PRMT8: variants seen among roughly 807,000 people sequenced by gnomAD.
PRMT8 encodes protein arginine N-methyltransferase 8.
A neutral mutation model predicts 47.1 loss-of-function variants in PRMT8; 7 were observed. The ratio of observed to expected loss-of-function variants is 0.15; its 90% CI spans 0.08 to 0.28. The LOEUF (loss-of-function observed/expected upper bound fraction) is 0.28. Ranked by LOEUF, PRMT8 falls within the 10% of genes least tolerant of loss-of-function variation. The pLI is 1.00. For missense variants in PRMT8, 237 were observed against 505.4 expected (o/e 0.47, Z 5.09); for synonymous variants, 188 against 186.5 (o/e 1.01, Z -0.07).
chr12:3,426,029 G>A (rs887968533), intron 1 of PRMT8, among the ~76,000 whole-genome samples: 21 of 152,258 alleles, frequency 1.4e-4, no homozygotes, highest in Non-Finnish European at 2.6e-4. Context: ...GGCCCTCGGG[G>A]GCTGACCCGC....
chr12:3,454,656 T>A (rs141681250), intron 1 of PRMT8, among the ~76,000 whole-genome samples: 139 of 152,086 alleles, frequency 9.1e-4, no homozygotes, highest in South Asian at 1.7e-3. Context: ...CCCTATAAAC[T>A]TCATAAAATG....
At chr12:3,484,240 C>T (rs572597719) in intron 1 of PRMT8, among the ~76,000 whole-genome samples, 2 of 152,286 alleles carry the variant, frequency 1.3e-5, no homozygotes, top group African/African-American at 4.8e-5. Flanking sequence ...CCAGTCTTTG[C>T]TGTCATTTGG....
At chr12:3,424,241 C>A (rs1351080054) in intron 1 of PRMT8, among the ~76,000 whole-genome samples, 1 of 152,146 alleles carries the variant, frequency 6.6e-6, no homozygotes, top group East Asian at 1.9e-4. Context: ...TCACACGCTC[C>A]CCTTTTTTCC....
rs995741365 is a variant in PRMT8 at position 3,535,017 on chromosome 12, G to C, written c.76-5589G>C. Among the ~76,000 whole-genome samples the C allele has an allele frequency of 2.0e-5, 3 of 152,266 alleles. No homozygotes were observed. Among genetic ancestry groups the C allele is most frequent in the African/African-American group, 7.2e-5 (3 of 41,474 alleles). The stretch of plus-strand genomic sequence containing the variant: ...TGCTTGGCGCAGCGCCTGGGGCGCA[G>C]TGGGCCCTTAGTCAATGTTAGGTCT... On this transcript the variant is annotated intron_variant, in intron 1 of 9. Transcript: ENST00000382622. The surrounding 1 kb of genome is among the most constrained non-coding windows in gnomAD (Gnocchi z 4.7).
intron 1 of PRMT8, among the ~76,000 whole-genome samples, chr12:3,478,315 C>CCTAA (rs1865238746): frequency 7.2e-6 from 1 of 139,792 alleles, no homozygotes; most frequent in South Asian, 2.3e-4. Flanking sequence ...TATCTACCTA[C>CCTAA]CTATCTATCT....
At chr12:3,455,088 TG>T (rs1287977882) in intron 1 of PRMT8, among the ~76,000 whole-genome samples, 7 of 152,098 alleles carry the variant, frequency 4.6e-5, no homozygotes, top group Non-Finnish European at 7.4e-5. Flanking sequence ...CTGGGGGAGA[TG>T]GAGTTTGGGG....
At chr12:3,528,298 A>G (rs1194550890) in intron 1 of PRMT8, among the ~76,000 whole-genome samples, 1 of 151,812 alleles carries the variant, frequency 6.6e-6, no homozygotes, top group African/African-American at 2.4e-5. Context: ...ATATTAGGCT[A>G]TGTGAAGTTG....
intron 3 of PRMT8, chr12:3,551,101 G>A (rs1429667724): frequency 1.1e-5 from 1 of 92,122 alleles, no homozygotes; most frequent in African/African-American, 3.8e-5. Context: ...CTGACTCCCA[G>A]GTTGACTAGA....
intron 8 of PRMT8, among the ~76,000 whole-genome samples, chr12:3,590,539 A>G (rs751727337): frequency 2.0e-5 from 3 of 152,066 alleles, no homozygotes; most frequent in Non-Finnish European, 4.4e-5. Flanking sequence ...AGCCATGATA[A>G]GGCCACATGT....
intron 1 of PRMT8, among the ~76,000 whole-genome samples, chr12:3,507,118 C>CT (rs72188443): frequency 0.028 from 3,403 of 122,542 alleles, 129 homozygotes; most frequent in East Asian, 0.073. Flanking sequence ...GGTGGCCTTT[C>CT]TTTTTTTTTT....
At chr12:3,426,038 G>T (rs780751003) in intron 1 of PRMT8, among the ~76,000 whole-genome samples, 1 of 152,216 alleles carries the variant, frequency 6.6e-6, no homozygotes, top group Non-Finnish European at 1.5e-5. Flanking sequence ...GGGCTGACCC[G>T]CAGGGTGCAG....
intron 1 of PRMT8, among the ~76,000 whole-genome samples, chr12:3,518,604 T>G (rs1865831866): frequency 1.3e-5 from 2 of 152,146 alleles, no homozygotes; most frequent in Non-Finnish European, 2.9e-5. Flanking sequence ...CAAGGACTCC[T>G]GCCAGCTGAG....
chr12:3,468,167 G>A (rs1457993157), intron 1 of PRMT8, among the ~76,000 whole-genome samples: 1 of 152,180 alleles, frequency 6.6e-6, no homozygotes, highest in East Asian at 1.9e-4. Context: ...AGTCTCAGGA[G>A]GGCTTAGGAA....
At chr12:3,534,755 C>T (rs868335288) in intron 1 of PRMT8, among the ~76,000 whole-genome samples, 1 of 152,220 alleles carries the variant, frequency 6.6e-6, no homozygotes, top group African/African-American at 2.4e-5. Context: ...TTTCTGAGCA[C>T]AGGGCCTGGC....
rs777494213 is a variant in PRMT8 at position 3,583,198 on chromosome 12, G to T, written c.969G>T (p.Gly323=). The T allele has an allele frequency of 1.2e-6, 2 of 1,611,746 alleles. No homozygotes were observed. Among genetic ancestry groups the T allele is most frequent in the Non-Finnish European group, 1.7e-6 (2 of 1,178,928 alleles). ...TTACCAAGTGCCACAAGAAAATGGG[G>T]TTTTCCACAGGTGAGCTGTTTGTTG... ...IEFTKCHKKM[G]FSTAPDAPYT... Residue 323 remains glycine (G), a synonymous_variant, in exon 8 of 10, where the codon GGG becomes GGT. Coordinates refer to ENST00000382622, the MANE Select transcript of PRMT8 (RefSeq NM_019854.5). This position sits in a 1 kb window ranked among gnomAD's most constrained non-coding sequence, Gnocchi z 4.7.
chr12:3,398,553 G>T lies in PRMT8; in HGVS notation c.48+17111G>T, dbSNP rs552936099. Among the ~76,000 whole-genome samples, 85 of 152,330 alleles carry T rather than the reference G, an allele frequency of 5.6e-4. No individual in the cohort carries two copies. The East Asian group carries it at 0.016, about 28-fold the overall frequency. On this transcript the variant is annotated intron_variant, in intron 1 of 9. Coordinates refer to the PRMT8 transcript ENST00000452611. Reference sequence around the variant, plus strand: ...ACATTGCACAGTGAAAGATTTAGTGGTTTCCTCAGGTGCATTCCAGTAGGA... The same window carrying T: ...ACATTGCACAGTGAAAGATTTAGTGTTTTCCTCAGGTGCATTCCAGTAGGA...
At chr12:3,539,351 G>T (rs1418624513) in intron 1 of PRMT8, among the ~76,000 whole-genome samples, 3 of 152,136 alleles carry the variant, frequency 2.0e-5, no homozygotes, top group African/African-American at 7.2e-5. Flanking sequence ...ACAAGCGCTG[G>T]GTTTCAGAGT....
chr12:3,543,947 C>T (rs532364334), intron 2 of PRMT8, among the ~76,000 whole-genome samples: 123 of 152,272 alleles, frequency 8.1e-4, no homozygotes, highest in Non-Finnish European at 1.5e-3. Context: ...GCCTCAGCCA[C>T]GAGAAGAATC....
At chr12:3,481,199 G>A (rs1311372695) in intron 1 of PRMT8, among the ~76,000 whole-genome samples, 1 of 152,206 alleles carries the variant, frequency 6.6e-6, no homozygotes, top group South Asian at 2.1e-4. Flanking sequence ...TACTATCTGA[G>A]AGCAGCCAGC....
Sources: allele counts gnomAD v4.1 joint callset (sites outside exome capture counted in the v4.1 genomes callset), GRCh38; gene constraint gnomAD v4.1.1; non-coding constraint Gnocchi (gnomAD v3.1); transcripts MANE v1.5; gene names NCBI Gene and HGNC (gene_info 2026-07-23, HGNC 2026-07-21).